Variants in POGLUT3 observed in about 807,000 individuals in gnomAD.
POGLUT3 encodes KDEL (Lys-Asp-Glu-Leu) containing 2.
A neutral mutation model predicts 54.3 loss-of-function variants in POGLUT3; 48 were observed. The ratio of observed to expected loss-of-function variants is 0.88; its 90% CI spans 0.70 to 1.12. The LOEUF (loss-of-function observed/expected upper bound fraction) is 1.12. Ranked by LOEUF, POGLUT3 falls within the 50% of genes most tolerant of loss-of-function variation. The pLI, the probability that POGLUT3 is intolerant of heterozygous loss-of-function variation, is 0.00. For missense variants in POGLUT3, 629 were observed against 618.7 expected (o/e 1.02, Z -0.18); for synonymous variants, 218 against 237.4 (o/e 0.92, Z 0.75).
chr11:108,498,028 A>T, intron 1 of POGLUT3, 137 bp downstream of exon 1: 7 of 645,048 alleles, frequency 1.1e-5, no homozygotes, highest in Admixed American at 4.3e-5. Flanking sequence ...GGAGGAGGGA[A>T]GAGGAGCTGA....
Position 108,498,224 on chromosome 11 carries a change from C to T in POGLUT3, c.143G>A (p.Arg48His), listed in dbSNP as rs750601502. Residue 48 changes from arginine to histidine, a missense_variant, in exon 1 of 8, where the codon CGC becomes CAC. Transcript: ENST00000323468. ...GTTGACCGCCTGCAGGTAGAAATAG[C>T]GGACCGGCAGGACGACGGCCGCCTG... is the stretch of plus-strand genomic sequence containing the variant. ...GLQAAVVLPVRYFYLQAVNSE... is the reference protein window; with the variant it reads ...GLQAAVVLPVHYFYLQAVNSE... 8 of 1,517,040 alleles carry T rather than the reference C, an allele frequency of 5.3e-6. No homozygotes were observed. The East Asian group carries it at 1.7e-4, about 32-fold the overall frequency. 94.0% of individuals were successfully genotyped at this position (1,517,040 alleles called of 1,614,324 possible).
At chr11:108,482,395 G>A (rs2093594592) in intron 3 of POGLUT3, among the ~76,000 whole-genome samples, 173 bp from the exon 4 acceptor site, 1 of 152,138 alleles carries the variant, frequency 6.6e-6, no homozygotes, top group East Asian at 1.9e-4. Context: ...TCACCTGTGA[G>A]GATCCTGCAT....
intron 4 of POGLUT3, 55 bp downstream of exon 4, chr11:108,481,951 C>T: frequency 2.2e-6 from 3 of 1,366,876 alleles, no homozygotes; most frequent in Non-Finnish European, 3.1e-6. Flanking sequence ...TATGTATAAC[C>T]CACTCTGTCT....
Position 108,498,170 on chromosome 11 carries a change from G to A in POGLUT3, c.197C>T (p.Pro66Leu). 6.6e-7 allele frequency: 1 copy of A among 1,514,176 alleles called. No homozygotes were observed. Among genetic ancestry groups the A allele is most frequent in the Non-Finnish European group, 8.8e-7 (1 of 1,132,496 alleles). The allele number at this position is 1,514,176 out of a possible 1,614,324, so 93.8% of individuals were successfully genotyped here. ...NSEGQNLTRSPAGETPFKVVV... is the reference protein window; with the variant it reads ...NSEGQNLTRSLAGETPFKVVV... The stretch of plus-strand genomic sequence containing the variant: ...GGCCGGCGGCTGGACACTACCTGCG[G>A]GAGAGCGAGTGAGGTTCTGGCCCTC... Residue 66 changes from proline (P) to leucine (L), a missense_variant, in exon 1 of 8, where the codon CCC (proline) becomes CTC (leucine). Physicochemically the swap from Pro to Leu is moderately conservative, Grantham distance 98 (BLOSUM62 -3). Coordinates refer to ENST00000323468, the MANE Select transcript of POGLUT3 (RefSeq NM_153705.5).
At chr11:108,485,160 CT>C (rs1274783673) in intron 3 of POGLUT3, among the ~76,000 whole-genome samples, 1 of 152,076 alleles carries the variant, frequency 6.6e-6, no homozygotes, top group Non-Finnish European at 1.5e-5. Flanking sequence ...AAAAAACAAC[CT>C]GTTTCTGGTA....
At position 108,491,179 on chromosome 11, in the gene POGLUT3, A is replaced by G. The variant is rs1338474421; in HGVS notation, c.203-12T>C. On this transcript the variant is annotated splice_polypyrimidine_tract_variant and intron_variant, in intron 1 of 7. Transcript: ENST00000323468. ...GAATGGTGTTTCACCTAAAAGGAAA[A>G]GAAATATAAACAACTCTACCATGTC... 6.3e-7 allele frequency: 1 copy of G among 1,589,910 alleles called. No individual in the cohort carries two copies. The highest frequency in any genetic ancestry group is 1.7e-5 in the Admixed American group (1 of 59,886).
At chr11:108,487,912 A>G (rs2093606573) in intron 2 of POGLUT3, among the ~76,000 whole-genome samples, 2 of 146,266 alleles carry the variant, frequency 1.4e-5, no homozygotes, top group South Asian at 4.4e-4. Context: ...ATGCCTGGCC[A>G]TAAGTTTGAC....
At position 108,486,577 on chromosome 11, in the gene POGLUT3, G is replaced by A. The variant is rs1241784531; in HGVS notation, c.401-137C>T. 12 of 846,886 alleles carry A rather than the reference G, an allele frequency of 1.4e-5. No individual in the cohort carries two copies. The East Asian group carries it at 3.2e-4, about 22-fold the overall frequency. 52.5% of individuals were successfully genotyped at this position (846,886 alleles called of 1,614,324 possible). A position where few individuals can be genotyped will look rare whatever the true frequency, so the allele number is the denominator to read the frequency against. On this transcript the variant is annotated intron_variant, in intron 2 of 7. Coordinates refer to ENST00000323468, the MANE Select transcript of POGLUT3 (RefSeq NM_153705.5). ...TGCCCTAGACAAATCAGTGGTGTAA[G>A]TGATTATGTTAGAGTCCTACACTTT...
At chr11:108,481,493 T>A in intron 4 of POGLUT3, 117 bp from the exon 5 acceptor site, 1 of 779,894 alleles carries the variant, frequency 1.3e-6, no homozygotes, top group East Asian at 3.0e-5. Flanking sequence ...TTTTATCAAC[T>A]CATCTTCTAA....
chr11:108,477,558 A>T (rs762966261), intron 7 of POGLUT3, 49 bp downstream of exon 7: 1 of 1,090,998 alleles, frequency 9.2e-7, no homozygotes, highest in Admixed American at 1.9e-5. Context: ...CCAAGCGGGT[A>T]GTCTGAGGAC....
intron 2 of POGLUT3, among the ~76,000 whole-genome samples, chr11:108,490,449 C>T (rs1282291745): frequency 6.6e-6 from 1 of 152,108 alleles, no homozygotes; most frequent in Non-Finnish European, 1.5e-5. Flanking sequence ...CATCCACTCG[C>T]CTCAGCCTCC....
intron 6 of POGLUT3, chr11:108,478,032 C>T (rs999881879): frequency 3.7e-6 from 1 of 272,734 alleles, no homozygotes; most frequent in African/African-American, 2.3e-5. Flanking sequence ...ACCTGTAATC[C>T]CAGCTACTCA....
chr11:108,490,773 T>C (rs2093611624), intron 2 of POGLUT3, among the ~76,000 whole-genome samples, 197 bp downstream of exon 2: 1 of 151,956 alleles, frequency 6.6e-6, no homozygotes. Context: ...TGGATGTAAA[T>C]ACACAAGATT....
chr11:108,476,138 AAT>A, intron 7 of POGLUT3, among the ~76,000 whole-genome samples: 1 of 152,004 alleles, frequency 6.6e-6, no homozygotes, highest in East Asian at 2.0e-4. Flanking sequence ...CCGAGTAAGA[AAT>A]ATATATATTT....
chr11:108,491,703 A>G (rs2093613710), intron 1 of POGLUT3, among the ~76,000 whole-genome samples: 1 of 152,182 alleles, frequency 6.6e-6, no homozygotes, highest in Non-Finnish European at 1.5e-5. Flanking sequence ...TCATGTATTC[A>G]AACCACGGAT....
At position 108,482,047 on chromosome 11, in the gene POGLUT3, CGCATGGCTTCAA is replaced by C. The variant is rs766483075; in HGVS notation, c.848_859del (p.Leu283_Met286del). ...AGAGAGGAGATCATTTGTAACACCCCGCATGGCTTCAAGCATGGAGTGGGTGATGTCATACGT... is the reference window on the plus strand; with the variant it reads ...AGAGAGGAGATCATTTGTAACACCCCGCATGGAGTGGGTGATGTCATACGT... On this transcript the variant is annotated inframe_deletion, in exon 4 of 8. Coordinates refer to ENST00000323468, the MANE Select transcript of POGLUT3 (RefSeq NM_153705.5). 10 of 1,613,960 alleles carry C rather than the reference CGCATGGCTTCAA, an allele frequency of 6.2e-6. No individual in the cohort carries two copies. In the African/African-American group the frequency reaches 1.3e-4, roughly 22 times the overall value.
At position 108,481,902 on chromosome 11, in the gene POGLUT3, T is replaced by G. The variant is rs2093593409; in HGVS notation, c.901+104A>C. On this transcript the variant is annotated intron_variant, in intron 4 of 7. Transcript: ENST00000323468. The stretch of plus-strand genomic sequence containing the variant: ...TCCCTAGGTTGGTCAGAATTTTCAG[T>G]ACAAGACTTTTTCTAATATGCTACT... 3.4e-6 allele frequency: 3 copies of G among 878,530 alleles called. No homozygotes were observed. In the South Asian group the frequency reaches 5.3e-5, roughly 16 times the overall value. 54.4% of individuals were successfully genotyped at this position (878,530 alleles called of 1,614,324 possible). A position where few individuals can be genotyped will look rare whatever the true frequency, so the allele number is the denominator to read the frequency against.
At position 108,491,157 on chromosome 11, in the gene POGLUT3, T is replaced by G. The variant is rs775516241; in HGVS notation, c.213A>C (p.Pro71=). 1.2e-6 allele frequency: 2 copies of G among 1,613,070 alleles called. No homozygotes were observed. The highest frequency in any genetic ancestry group is 2.2e-5 in the East Asian group (1 of 44,868). ...AAAGAGATTTGACTACGACTTTGAA[T>G]GGTGTTTCACCTAAAAGGAAAAGAA... The part of the protein sequence containing the change: ...NLTRSPAGET[P]FKVVVKSLSP... Residue 71 remains proline, a synonymous_variant, in exon 2 of 8, where the codon CCA becomes CCC. Transcript: ENST00000323468.
chr11:108,495,418 G>C (rs1400027267), intron 1 of POGLUT3, among the ~76,000 whole-genome samples: 1 of 152,194 alleles, frequency 6.6e-6, no homozygotes, highest in African/African-American at 2.4e-5. Flanking sequence ...CAGTCTACCA[G>C]CCTTGGCCTC....
Sources: gnomAD v4.1 joint callset for allele counts (sites outside exome capture counted in the v4.1 genomes callset) on GRCh38, gnomAD v4.1.1 for gene constraint, MANE v1.5 for transcripts, NCBI Gene and HGNC (gene_info 2026-07-23, HGNC 2026-07-21) for gene names.